Variants in CFAP97D2 observed in about 807,000 individuals in gnomAD.
The protein encoded by CFAP97D2 is uncharacterized protein CFAP97D2.
At chr13:114,216,770 T>C (rs1190206100) in intron 4 of CFAP97D2, among the ~76,000 whole-genome samples, 1 of 152,244 alleles carries the variant, frequency 6.6e-6, no homozygotes, top group African/African-American at 2.4e-5. Context: ...TGTGTCTTTA[T>C]AGCAGCATGA....
intron 1 of CFAP97D2, among the ~76,000 whole-genome samples, chr13:114,181,757 A>G (rs1242951988): frequency 6.6e-6 from 1 of 152,172 alleles, no homozygotes; most frequent in Non-Finnish European, 1.5e-5. Context: ...GAGAAAAAAG[A>G]CCTGTGGGAG....
intron 3 of CFAP97D2, among the ~76,000 whole-genome samples, chr13:114,204,521 G>A (rs146466593): frequency 3.3e-5 from 5 of 152,298 alleles, no homozygotes; most frequent in Non-Finnish European, 7.4e-5. Context: ...ATAAATCAAT[G>A]GGAGTCCATG....
chr13:114,209,567 G>C (rs1339109601), intron 3 of CFAP97D2, among the ~76,000 whole-genome samples: 1 of 152,130 alleles, frequency 6.6e-6, no homozygotes, highest in Non-Finnish European at 1.5e-5. Flanking sequence ...AGGTCCTGAT[G>C]GTCTAGAGGA....
At chr13:114,191,613 G>C (rs1349729509) in intron 1 of CFAP97D2, among the ~76,000 whole-genome samples, 2 of 152,206 alleles carry the variant, frequency 1.3e-5, no homozygotes, top group Admixed American at 6.5e-5. Context: ...CAAGGATGTG[G>C]AGTAACAGGA....
At chr13:114,204,686 G>A (rs1008166615) in intron 3 of CFAP97D2, among the ~76,000 whole-genome samples, 3 of 152,056 alleles carry the variant, frequency 2.0e-5, no homozygotes, top group African/African-American at 7.2e-5. Context: ...AATCAAAAAC[G>A]GATCAAAGGC....
chr13:114,181,586 C>T (rs2080832736), intron 1 of CFAP97D2, among the ~76,000 whole-genome samples: 1 of 152,170 alleles, frequency 6.6e-6, no homozygotes, highest in South Asian at 2.1e-4. Flanking sequence ...TAACACTCCA[C>T]AGTTCTCCAA....
At chr13:114,212,106 C>T (rs2080969504) in intron 4 of CFAP97D2, 1 of 398,474 alleles carries the variant, frequency 2.5e-6, no homozygotes, top group South Asian at 1.3e-4. Flanking sequence ...AAAAAGGTAC[C>T]CGCACCTTCT....
In CFAP97D2 at chr13:114,184,840, A is replaced by G. The variant is rs572258155; in HGVS notation, c.90+5420A>G. Among the ~76,000 whole-genome samples, 53 of 152,380 alleles carry G rather than the reference A, an allele frequency of 3.5e-4. 1 individual carries two copies. The Middle Eastern group carries it at 0.01, about 29-fold the overall frequency. On this transcript the variant is annotated intron_variant, in intron 1 of 4. Transcript: ENST00000646158. ...TAAAATAAAAACTCTTATTTTTATT[A>G]TTCTTAGTTGATCTAACAGATAAAA...
At chr13:114,202,730 T>TGG (rs1394600012) in intron 3 of CFAP97D2, among the ~76,000 whole-genome samples, 4 of 152,356 alleles carry the variant, frequency 2.6e-5, no homozygotes, top group African/African-American at 9.6e-5. Context: ...ACGCTGGAGA[T>TGG]GCTCTTGTTC....
At chr13:114,183,011 T>A (rs1173122481) in intron 1 of CFAP97D2, among the ~76,000 whole-genome samples, 2 of 152,272 alleles carry the variant, frequency 1.3e-5, no homozygotes, top group East Asian at 3.9e-4. Flanking sequence ...AAACTCCTTT[T>A]TCCTCTTCCC....
At chr13:114,198,567 T>C (rs190488834) in intron 2 of CFAP97D2, among the ~76,000 whole-genome samples, 102 of 152,376 alleles carry the variant, frequency 6.7e-4, no homozygotes, top group African/African-American at 2.3e-3. Context: ...GCCTCAGTGT[T>C]ACTCTCACTT....
chr13:114,183,073 G>A (rs1280644676), intron 1 of CFAP97D2, among the ~76,000 whole-genome samples: 1 of 152,172 alleles, frequency 6.6e-6, no homozygotes, highest in Non-Finnish European at 1.5e-5. Flanking sequence ...TGGCACTCCT[G>A]AGGAAAGAAT....
intron 1 of CFAP97D2, among the ~76,000 whole-genome samples, chr13:114,191,177 C>CT (rs891131214): frequency 4.3e-4 from 64 of 149,590 alleles, no homozygotes; most frequent in Middle Eastern, 3.4e-3. Context: ...ATGGGAATGA[C>CT]TTTTTTTTTT....
In CFAP97D2 at chr13:114,187,048, T is replaced by A. The variant is rs765896259; in HGVS notation, c.90+7628T>A. Among the ~76,000 whole-genome samples the A allele has an allele frequency of 3.3e-5, 5 of 152,244 alleles. No individual in the cohort carries two copies. The highest frequency in any genetic ancestry group is 7.3e-5 in the Non-Finnish European group (5 of 68,048). ...ATGATAAGGAACAGGAGAGAGGTAT[T>A]CAGATTATTTTGTAATATAAGTTAC... On this transcript the variant is annotated intron_variant, in intron 1 of 4. Transcript: ENST00000646158. The surrounding 1 kb of genome is among the most constrained non-coding windows in gnomAD (Gnocchi z 4.2).
chr13:114,200,198 A>G, intron 2 of CFAP97D2, 127 bp from the exon 3 acceptor site: 1 of 394,502 alleles, frequency 2.5e-6, no homozygotes, highest in Non-Finnish European at 4.5e-6. Context: ...CTGAGGCGTG[A>G]TGGCGCACTC....
chr13:114,182,317 C>T lies in CFAP97D2; in HGVS notation c.90+2897C>T, dbSNP rs559131796. Among the ~76,000 whole-genome samples the T allele has an allele frequency of 1.1e-3, 164 of 152,058 alleles. 1 individual carries two copies. The Middle Eastern group carries it at 0.014, about 13-fold the overall frequency. On this transcript the variant is annotated intron_variant, in intron 1 of 4. Coordinates refer to ENST00000646158, the Ensembl canonical transcript of CFAP97D2. ...AGGCAGCATTACTGCAAACATGTCT[C>T]GCCTCCCGCCATAGGGCTGTTTTTC...
chr13:114,180,697 AT>A (rs2138744062), intron 1 of CFAP97D2, among the ~76,000 whole-genome samples: 1 of 152,358 alleles, frequency 6.6e-6, no homozygotes, highest in South Asian at 2.1e-4. Context: ...GTAGGGAAAG[AT>A]GGAAAGCAGT....
At chr13:114,200,032 A>C (rs7326172) in intron 2 of CFAP97D2, among the ~76,000 whole-genome samples, 11,943 of 11,956 alleles carry the variant, frequency 1, 5,966 homozygotes, top group Middle Eastern at 1. Context: ...ACGGTCCCCG[A>C]TGAGGGGTGA....
At chr13:114,188,926 T>A (rs564885849) in intron 1 of CFAP97D2, among the ~76,000 whole-genome samples, 4 of 150,548 alleles carry the variant, frequency 2.7e-5, no homozygotes, top group Non-Finnish European at 5.9e-5. Context: ...AAAAGATAAT[T>A]CTTTGGGAAA....
Sources: gnomAD v4.1 joint callset for allele counts (sites outside exome capture counted in the v4.1 genomes callset) on GRCh38, gnomAD v4.1.1 for gene constraint, Gnocchi (gnomAD v3.1) non-coding constraint, MANE v1.5 for transcripts, NCBI Gene and HGNC (gene_info 2026-07-23, HGNC 2026-07-21) for gene names.